MALRD1: variants seen among roughly 807,000 people sequenced by gnomAD.
The protein encoded by MALRD1 is MAM and LDL-receptor class A domain-containing protein 1.
A neutral mutation model predicts 242.1 loss-of-function variants in MALRD1; 247 were observed. The ratio of observed to expected loss-of-function variants is 1.02; its 90% CI spans 0.92 to 1.13. MALRD1 has a LOEUF of 1.13. Ranked by LOEUF, MALRD1 falls within the 50% of genes most tolerant of loss-of-function variation. The pLI, the probability that MALRD1 is intolerant of heterozygous loss-of-function variation, is 0.00. For synonymous variants in MALRD1, 995 were observed against 866.6 expected (o/e 1.15, Z -2.60); for missense variants, 2,989 against 2,533.1 (o/e 1.18, Z -3.86).
rs1843731519 is a variant in MALRD1 at position 19,339,193 on chromosome 10, CTTTTCTGGAAGATGTA to C, written c.3901+7616_3901+7631del. 2.6e-5 allele frequency among the ~76,000 whole-genome samples: 4 copies of C among 152,076 alleles called. No homozygotes were observed. In the South Asian group the frequency reaches 8.3e-4, roughly 32 times the overall value. Reference sequence around the variant, plus strand: ...TTCATGGTGGAGCCCTGGGTTTGGTCTTTTCTGGAAGATGTATTTTAGCAGTCCACTATTTAAATGA... The same window carrying C: ...TTCATGGTGGAGCCCTGGGTTTGGTCTTTTAGCAGTCCACTATTTAAATGA... On this transcript the variant is annotated intron_variant, in intron 24 of 39. Transcript: ENST00000454679.
chr10:19,625,321 T>G (rs1009800209), intron 36 of MALRD1, among the ~76,000 whole-genome samples: 3 of 76,954 alleles, frequency 3.9e-5, no homozygotes, highest in African/African-American at 8.5e-5. Flanking sequence ...GGCTGTTTCC[T>G]TTTTTTTAAC....
chr10:19,170,304 C>T (rs926272870), intron 13 of MALRD1, among the ~76,000 whole-genome samples: 12 of 152,066 alleles, frequency 7.9e-5, no homozygotes, highest in South Asian at 6.2e-4. Flanking sequence ...TTCTTTTCCC[C>T]CTAACTATTG....
intron 26 of MALRD1, 101 bp downstream of exon 26, chr10:19,352,398 A>C: frequency 1.9e-6 from 2 of 1,037,800 alleles, no homozygotes; most frequent in Admixed American, 5.7e-5. Flanking sequence ...CTAGTAATTT[A>C]TCACTTTCAT....
Position 19,222,132 on chromosome 10 carries a change from C to T in MALRD1, c.2991+12452C>T, listed in dbSNP as rs920653255. The stretch of plus-strand genomic sequence containing the variant: ...CCCTTCTTGCCAGCCTCCTTCCCTT[C>T]CTCTCTCCTTGAGTTTCCTTCTTGT... On this transcript the variant is annotated intron_variant, in intron 18 of 39. Coordinates refer to ENST00000454679, the MANE Select transcript of MALRD1 (RefSeq NM_001142308.3). 2.6e-5 allele frequency among the ~76,000 whole-genome samples: 4 copies of T among 152,012 alleles called. 1 individual carries two copies.
chr10:19,592,730 C>G (rs1362275699), intron 33 of MALRD1, among the ~76,000 whole-genome samples: 1 of 22,092 alleles, frequency 4.5e-5, no homozygotes, highest in Non-Finnish European at 9.1e-5. Context: ...AATATAAAGA[C>G]ACACACACAC....
At chr10:19,534,676 CA>C (rs1834574378) in intron 32 of MALRD1, among the ~76,000 whole-genome samples, 1 of 152,064 alleles carries the variant, frequency 6.6e-6, no homozygotes, top group Non-Finnish European at 1.5e-5. Flanking sequence ...AATAAATGAT[CA>C]TATCTGCTGT....
At chr10:19,645,673 A>G (rs1449433030) in intron 36 of MALRD1, among the ~76,000 whole-genome samples, 2 of 152,174 alleles carry the variant, frequency 1.3e-5, no homozygotes, top group African/African-American at 4.8e-5. Context: ...GTGGGAATTG[A>G]ACAATGAGAA....
intron 36 of MALRD1, among the ~76,000 whole-genome samples, chr10:19,628,508 C>T (rs184776626): frequency 1.3e-5 from 2 of 151,562 alleles, no homozygotes; most frequent in African/African-American, 4.8e-5. Context: ...ATGCAAATGC[C>T]AGAATAATAT....
intron 36 of MALRD1, among the ~76,000 whole-genome samples, chr10:19,670,725 A>G (rs557264703): frequency 6.6e-6 from 1 of 152,176 alleles, no homozygotes; most frequent in Non-Finnish European, 1.5e-5. Context: ...TGTCTTTCTC[A>G]ACACATACAC....
intron 18 of MALRD1, among the ~76,000 whole-genome samples, chr10:19,219,716 A>T (rs1413115648): frequency 6.6e-6 from 1 of 152,134 alleles, no homozygotes; most frequent in Non-Finnish European, 1.5e-5. Flanking sequence ...GAGCCACCAT[A>T]CTCAGCCAAT....
rs1380970216 is a variant in MALRD1 at position 19,293,550 on chromosome 10, C to A, written c.3419+10369C>A. ...TTGATTTTATTCAAAGATATTTTAT[C>A]TGGATAATTTTTAAAAATTAACTAG... On this transcript the variant is annotated intron_variant, in intron 21 of 39. Transcript: ENST00000454679. Among the ~76,000 whole-genome samples, 5 of 152,080 alleles carry A rather than the reference C, an allele frequency of 3.3e-5. No homozygotes were observed. The South Asian group carries it at 1.0e-3, about 31-fold the overall frequency.
At chr10:19,217,170 G>A (rs1837355734) in intron 18 of MALRD1, among the ~76,000 whole-genome samples, 1 of 151,940 alleles carries the variant, frequency 6.6e-6, no homozygotes. Context: ...TGCAAACCTG[G>A]TCTTAGTATT....
rs1564468967 is a variant in MALRD1 at position 19,209,530 on chromosome 10, C to T, written c.2841C>T (p.Tyr947=). ...DTKGCTFRFY[Y]HMFGKRIYRL... is the part of the protein sequence containing the mutation. ...AAGGCTGCACCTTCCGCTTCTATTACCACATGTTTGGAAAGCGCATTTATA... is the reference window on the plus strand; with the variant it reads ...AAGGCTGCACCTTCCGCTTCTATTATCACATGTTTGGAAAGCGCATTTATA... The change falls in exon 18 of 40, where the codon TAC becomes TAT. Residue 947 remains tyrosine (Y), a synonymous_variant. Coordinates refer to ENST00000454679, the MANE Select transcript of MALRD1 (RefSeq NM_001142308.3). 1.9e-6 allele frequency: 3 copies of T among 1,550,788 alleles called. No individual in the cohort carries two copies. Among genetic ancestry groups the T allele is most frequent in the Non-Finnish European group, 2.6e-6 (3 of 1,147,018 alleles).
intron 32 of MALRD1, among the ~76,000 whole-genome samples, chr10:19,557,046 G>T (rs1315919937): frequency 6.6e-6 from 1 of 152,088 alleles, no homozygotes; most frequent in Non-Finnish European, 1.5e-5. Context: ...GATAACAAAT[G>T]AGTTTGAGTA....
chr10:19,198,857 C>T (rs1305495230), intron 14 of MALRD1, among the ~76,000 whole-genome samples: 2 of 152,034 alleles, frequency 1.3e-5, no homozygotes, highest in Non-Finnish European at 2.9e-5. Flanking sequence ...CATTCCCTTA[C>T]TATTGTATAT....
chr10:19,337,652 T>G (rs1367645824), intron 24 of MALRD1, among the ~76,000 whole-genome samples: 1 of 152,182 alleles, frequency 6.6e-6, no homozygotes, highest in Non-Finnish European at 1.5e-5. Flanking sequence ...CTTAAATCAT[T>G]ATCAAATATG....
intron 18 of MALRD1, among the ~76,000 whole-genome samples, chr10:19,249,071 A>G (rs919748506): frequency 8.0e-5 from 12 of 149,398 alleles, no homozygotes; most frequent in African/African-American, 2.9e-4. Flanking sequence ...CTGTGCACAT[A>G]TATATATGCA....
At position 19,203,851 on chromosome 10, in the gene MALRD1, C is replaced by G. The variant is rs959152592; in HGVS notation, c.2075C>G (p.Pro692Arg). The G allele has an allele frequency of 6.5e-7, 1 of 1,550,348 alleles. No individual in the cohort carries two copies. The highest frequency in any genetic ancestry group is 1.4e-5 in the African/African-American group (1 of 73,024). Residue 692 changes from proline (P) to arginine (R), a missense_variant, in exon 15 of 40, where the codon CCT becomes CGT. By Grantham distance (103) the Pro-to-Arg change is moderately radical (BLOSUM62 -2). Coordinates refer to ENST00000454679, the MANE Select transcript of MALRD1 (RefSeq NM_001142308.3). ...GCTGATTTTGAGCACCAGGCTCCAC[C>G]TCGGGATCATAGTCTCAACGCATCT... ...LSADFEHQAP[P>R]RDHSLNASQG...
intron 18 of MALRD1, among the ~76,000 whole-genome samples, chr10:19,232,866 G>A (rs894384632): frequency 6.6e-6 from 1 of 152,010 alleles, no homozygotes; most frequent in African/African-American, 2.4e-5. Flanking sequence ...GAACAAAATG[G>A]TTCAGGCATC....
Sources: allele counts gnomAD v4.1 joint callset (sites outside exome capture counted in the v4.1 genomes callset), GRCh38; gene constraint gnomAD v4.1.1; transcripts MANE v1.5; gene names NCBI Gene and HGNC (gene_info 2026-07-23, HGNC 2026-07-21).